Variants in GLMN observed in about 807,000 individuals in gnomAD.
GLMN encodes the protein glomulin.
Under a neutral mutation model 87.8 loss-of-function variants are expected in GLMN, and 75 were observed. The observed-to-expected ratio is 0.85, with a 90% CI of 0.71 to 1.04. The LOEUF (loss-of-function observed/expected upper bound fraction) is 1.04. Ranked by LOEUF, GLMN falls within the 50% of genes least tolerant of loss-of-function variation. The probability of loss-of-function intolerance (pLI) is 0.00; values close to 1 mark genes in which losing one functional copy is unlikely to be tolerated. For synonymous variants in GLMN, 206 were observed against 221.6 expected (o/e 0.93, Z 0.63); for missense variants, 588 against 658.8 (o/e 0.89, Z 1.18).
At chr1:92,311,984 G>A in the GLMN span, among the ~76,000 whole-genome samples, 1 of 152,172 alleles carries the variant, frequency 6.6e-6, no homozygotes, top group East Asian at 1.9e-4. Context: ...CTATAGGTTG[G>A]GATGGCTGTG....
At chr1:92,324,612 G>A in the GLMN span, among the ~76,000 whole-genome samples, 12 of 152,100 alleles carry the variant, frequency 7.9e-5, no homozygotes, top group Non-Finnish European at 1.3e-4. Context: ...TTTTTCTAAT[G>A]TAAAAATAGC....
chr1:92,256,667 CAACAG>C (rs1654304629), intron 16 of GLMN, among the ~76,000 whole-genome samples: 1 of 152,152 alleles, frequency 6.6e-6, no homozygotes, highest in East Asian at 1.9e-4. Context: ...ATGATTATCT[CAACAG>C]ATGCAGAAAA....
At chr1:92,366,597 G>A in the GLMN span, among the ~76,000 whole-genome samples, 3 of 152,150 alleles carry the variant, frequency 2.0e-5, no homozygotes, top group African/African-American at 4.8e-5. Context: ...TAATGGAGTT[G>A]AATCTTCTGC....
chr1:92,367,301 T>G, the GLMN span, among the ~76,000 whole-genome samples: 1 of 152,246 alleles, frequency 6.6e-6, no homozygotes, highest in Admixed American at 6.5e-5. Flanking sequence ...GATTCTTTAC[T>G]TACCCAACCC....
chr1:92,310,831 A>C, the GLMN span, among the ~76,000 whole-genome samples: 1 of 152,024 alleles, frequency 6.6e-6, no homozygotes, highest in Admixed American at 6.6e-5. Context: ...TGGGAGGCAG[A>C]GGTTGCAGTG....
At chr1:92,311,763 A>C in the GLMN span, among the ~76,000 whole-genome samples, 1 of 152,254 alleles carries the variant, frequency 6.6e-6, no homozygotes, top group African/African-American at 2.4e-5. Context: ...TTCCCAGTGT[A>C]TGCAAAAGTT....
chr1:92,363,703 C>T, the GLMN span: 75 of 338,102 alleles, frequency 2.2e-4, no homozygotes, highest in East Asian at 6.0e-3. Flanking sequence ...TTCTCCTCCT[C>T]CTCAGCCTAC....
the GLMN span, among the ~76,000 whole-genome samples, chr1:92,319,991 T>TC: frequency 4.3e-5 from 6 of 138,934 alleles, no homozygotes; most frequent in Admixed American, 1.5e-4. Context: ...AGAGCAAAAC[T>TC]CCATCTCAAA....
the GLMN span, among the ~76,000 whole-genome samples, chr1:92,346,735 C>T: frequency 6.6e-6 from 1 of 152,082 alleles, no homozygotes; most frequent in Non-Finnish European, 1.5e-5. Context: ...ACATTTAGTA[C>T]TCATTCAGCT....
At chr1:92,277,834 T>C (rs571202752) in intron 7 of GLMN, among the ~76,000 whole-genome samples, 4 of 152,272 alleles carry the variant, frequency 2.6e-5, no homozygotes, top group East Asian at 1.9e-4. Context: ...TAAATGTAAG[T>C]AAGCAGTGCC....
the GLMN span, among the ~76,000 whole-genome samples, chr1:92,314,994 G>A: frequency 1.3e-5 from 2 of 152,130 alleles, no homozygotes; most frequent in East Asian, 1.9e-4. Flanking sequence ...GCAGTGAACC[G>A]AGATAGTGCC....
chr1:92,301,821 T>G (rs1326093552), upstream of GLMN, among the ~76,000 whole-genome samples: 1 of 152,218 alleles, frequency 6.6e-6, no homozygotes. Context: ...TGATGACACG[T>G]AATGTATATT....
intron 3 of GLMN, among the ~76,000 whole-genome samples, chr1:92,292,732 CT>C (rs1177905555): frequency 0.28 from 32,883 of 119,570 alleles, 5,147 homozygotes; most frequent in Non-Finnish European, 0.36. Flanking sequence ...CTTTTCTTTT[CT>C]TTTTTTTTTT....
chr1:92,276,939 T>C (rs1647367321), intron 7 of GLMN, among the ~76,000 whole-genome samples: 1 of 152,194 alleles, frequency 6.6e-6, no homozygotes, highest in Non-Finnish European at 1.5e-5. Flanking sequence ...ATTTTTACAA[T>C]ACATTTGTTT....
At chr1:92,305,443 A>AAAAAAAAAAAAAAAAAC in the GLMN span, among the ~76,000 whole-genome samples, 1 of 148,240 alleles carries the variant, frequency 6.7e-6, no homozygotes, top group African/African-American at 2.5e-5. Flanking sequence ...AAAAAAAAAA[A>AAAAAAAAAAAAAAAAAC]AAAAAAAAGA....
chr1:92,294,454 A>G (rs1266838352), intron 3 of GLMN, among the ~76,000 whole-genome samples: 2 of 152,228 alleles, frequency 1.3e-5, no homozygotes. Flanking sequence ...TAAATACTAT[A>G]CATGCATATC....
At chr1:92,306,748 AG>A in the GLMN span, among the ~76,000 whole-genome samples, 2 of 152,188 alleles carry the variant, frequency 1.3e-5, no homozygotes, top group African/African-American at 4.8e-5. Context: ...CTGAAACCAG[AG>A]GATTACTTGA....
chr1:92,298,268 T>C (rs928939535), intron 1 of GLMN, among the ~76,000 whole-genome samples: 12 of 152,082 alleles, frequency 7.9e-5, no homozygotes, highest in Admixed American at 7.9e-4. Flanking sequence ...GAAGCCCTTA[T>C]TGCATGTTTT....
chr1:92,300,037 A>G (rs975690884), upstream of GLMN, among the ~76,000 whole-genome samples: 1 of 152,254 alleles, frequency 6.6e-6, no homozygotes, highest in African/African-American at 2.4e-5. Context: ...CCTGCACAGC[A>G]TGTTACTGTA....
Sources: allele counts gnomAD v4.1 joint callset (sites outside exome capture counted in the v4.1 genomes callset), GRCh38; gene constraint gnomAD v4.1.1; transcripts MANE v1.5; gene names NCBI Gene and HGNC (gene_info 2026-07-23, HGNC 2026-07-21).